CAPZB: variants seen among roughly 807,000 people sequenced by gnomAD.
CAPZB encodes capping actin protein of muscle Z-line subunit beta, also known as F-actin-capping protein subunit beta.
CAPZB carries 2 observed loss-of-function variants against 38.1 expected under a neutral mutation model. That is an observed-to-expected ratio of 0.05 (90% CI 0.02 to 0.17). CAPZB has a LOEUF of 0.17. Among genes scored for constraint, CAPZB ranks in the 10% least tolerant of loss-of-function variants. The pLI is 1.00. For synonymous variants in CAPZB, 107 were observed against 127.4 expected (o/e 0.84, Z 1.08); for missense variants, 161 against 334.2 (o/e 0.48, Z 4.04).
intron 2 of CAPZB, among the ~76,000 whole-genome samples, chr1:19,414,796 A>G (rs1385175530): frequency 6.6e-6 from 1 of 152,218 alleles, no homozygotes; most frequent in Non-Finnish European, 1.5e-5. Flanking sequence ...TTCACATCAT[A>G]TGATTCTTGG....
chr1:19,458,093 A>C (rs2100726348), intron 1 of CAPZB, among the ~76,000 whole-genome samples: 2 of 99,878 alleles, frequency 2.0e-5, no homozygotes, highest in Admixed American at 1.1e-4. Context: ...AAATAAAAGG[A>C]GTTGCCAAAA....
intron 2 of CAPZB, among the ~76,000 whole-genome samples, chr1:19,410,363 C>T (rs1214543487): frequency 6.6e-6 from 1 of 152,184 alleles, no homozygotes; most frequent in African/African-American, 2.4e-5. Context: ...CAGTGCACTG[C>T]TTTTTCCAAA....
intron 1 of CAPZB, among the ~76,000 whole-genome samples, chr1:19,439,705 CCCGG>C (rs2094469453): frequency 6.6e-6 from 1 of 152,270 alleles, no homozygotes; most frequent in African/African-American, 2.4e-5. Context: ...CAGCTTCCCT[CCCGG>C]CTGACACTCC....
At chr1:19,484,178 C>A (rs1202220204) in intron 1 of CAPZB, 1 of 1,610,132 alleles carries the variant, frequency 6.2e-7, no homozygotes, top group Admixed American at 1.7e-5. Context: ...TCTCCCTAGG[C>A]GTTCTGCTCA....
chr1:19,364,686 G>A (rs961694304), intron 4 of CAPZB, among the ~76,000 whole-genome samples: 9 of 152,082 alleles, frequency 5.9e-5, no homozygotes, highest in African/African-American at 2.2e-4. Flanking sequence ...CCCCAACTAA[G>A]TGTTAACCAA....
At chr1:19,414,233 C>A (rs184321956) in intron 2 of CAPZB, among the ~76,000 whole-genome samples, 14 of 152,152 alleles carry the variant, frequency 9.2e-5, no homozygotes, top group African/African-American at 3.4e-4. Flanking sequence ...GGTGGCGATG[C>A]GGGGGTGACA....
At chr1:19,436,510 G>C (rs1353516632) in intron 1 of CAPZB, among the ~76,000 whole-genome samples, 1 of 152,162 alleles carries the variant, frequency 6.6e-6, no homozygotes, top group Non-Finnish European at 1.5e-5. Context: ...TATATGCGGA[G>C]ACTAAGATCT....
At chr1:19,484,938 G>A (rs2094645662) in intron 1 of CAPZB, among the ~76,000 whole-genome samples, 1 of 152,188 alleles carries the variant, frequency 6.6e-6, no homozygotes. Context: ...GGCTGACCGG[G>A]GTCCAGCCTG....
Position 19,368,548 on chromosome 1 carries a change from G to A in CAPZB, c.329+9992C>T, listed in dbSNP as rs532887376. On this transcript the variant is annotated intron_variant, in intron 4 of 8. Transcript: ENST00000264202. ...AGAGTCCGAGTTAAAAAAGGAACCCGCTGGGTGACCAGGAATCCGGGACAT... is the reference window on the plus strand; with the variant it reads ...AGAGTCCGAGTTAAAAAAGGAACCCACTGGGTGACCAGGAATCCGGGACAT... 1.5e-4 allele frequency among the ~76,000 whole-genome samples: 23 copies of A among 148,408 alleles called. No individual in the cohort carries two copies. In the East Asian group the frequency reaches 3.2e-3, roughly 21 times the overall value.
At chr1:19,400,160 G>A (rs949173888) in intron 2 of CAPZB, among the ~76,000 whole-genome samples, 2 of 151,780 alleles carry the variant, frequency 1.3e-5, no homozygotes, top group Non-Finnish European at 2.9e-5. Context: ...GCCTGCCTCC[G>A]AGACCTCAAC....
chr1:19,379,301 G>C (rs1024442241), intron 3 of CAPZB, among the ~76,000 whole-genome samples: 1 of 152,076 alleles, frequency 6.6e-6, no homozygotes, highest in Admixed American at 6.5e-5. Context: ...GTTTGGCCGT[G>C]TCGGCCAGGC....
chr1:19,431,421 C>G (rs988960836), intron 1 of CAPZB, among the ~76,000 whole-genome samples: 1 of 152,120 alleles, frequency 6.6e-6, no homozygotes, highest in Admixed American at 6.5e-5. Flanking sequence ...GATTTTGGGC[C>G]GGGCACGGTG....
chr1:19,484,153 G>T (rs763707249), intron 1 of CAPZB: 3 of 1,596,130 alleles, frequency 1.9e-6, no homozygotes, highest in South Asian at 2.3e-5. Flanking sequence ...CAAACACCAC[G>T]AGCGGAGCCA....
intron 2 of CAPZB, among the ~76,000 whole-genome samples, chr1:19,413,589 C>A (rs896132305): frequency 6.6e-6 from 1 of 152,186 alleles, no homozygotes; most frequent in African/African-American, 2.4e-5. Flanking sequence ...CCACCTTGGC[C>A]TCCCAAAGTG....
chr1:19,443,776 G>A (rs1283098250), intron 1 of CAPZB, among the ~76,000 whole-genome samples: 1 of 152,220 alleles, frequency 6.6e-6, no homozygotes, highest in East Asian at 1.9e-4. Flanking sequence ...TGCTGTGTGT[G>A]GCCGCAGAGT....
At position 19,339,594 on chromosome 1, in the gene CAPZB, T is replaced by C. The variant is rs200146331; in HGVS notation, c.755A>G (p.Lys252Arg). 1.2e-6 allele frequency: 2 copies of C among 1,614,102 alleles called. No homozygotes were observed. The highest frequency in any genetic ancestry group is 1.7e-6 in the Non-Finnish European group (2 of 1,179,906). Residue 252 changes from lysine (K) to arginine (R), a missense_variant, in exon 9 of 9, where the codon AAA (lysine) becomes AGA (arginine). Coordinates refer to ENST00000264202, the MANE Select transcript of CAPZB (RefSeq NM_004930.5). ...ATTCTTCAGAGCTTCTTGTTTTGAT[T>C]TGTCTGCAAAAGTCTGCACAGACCT... Reference protein sequence around the residue: ...GLRSVQTFADKSKQEALKNDL... With the variant: ...GLRSVQTFADRSKQEALKNDL...
intron 1 of CAPZB, among the ~76,000 whole-genome samples, chr1:19,442,627 C>G (rs561207878): frequency 2.0e-5 from 3 of 152,288 alleles, no homozygotes; most frequent in African/African-American, 7.2e-5. Flanking sequence ...CGCACTCGGT[C>G]CAGGAAAGCC....
At chr1:19,393,343 C>G (rs571553694) in intron 2 of CAPZB, among the ~76,000 whole-genome samples, 2 of 152,182 alleles carry the variant, frequency 1.3e-5, no homozygotes, top group Non-Finnish European at 2.9e-5. Flanking sequence ...CCTGAGTAAC[C>G]AGAGGGGGAC....
chr1:19,357,483 G>C lies in CAPZB; in HGVS notation c.410C>G (p.Ala137Gly). The change falls in exon 5 of 9, where the codon GCT (alanine) becomes GGT (glycine). Residue 137 changes from alanine to glycine, a missense_variant. By Grantham distance (60) the Ala-to-Gly change is moderately conservative. Transcript: ENST00000264202. This position sits in a 1 kb window ranked among gnomAD's most constrained non-coding sequence, Gnocchi z 4.3. ...GFAGVILIKK[A>G]GDGSKKIKGC... is the part of the protein sequence containing the mutation. ...TTTGATCTTCTTTGATCCATCTCCA[G>C]CCTTCTTTATGAGGATCACTCCAGC... The C allele has an allele frequency of 6.2e-7, 1 of 1,613,966 alleles. No homozygotes were observed. The highest frequency in any genetic ancestry group is 8.5e-7 in the Non-Finnish European group (1 of 1,180,006).
Sources: gnomAD v4.1 joint callset for allele counts (sites outside exome capture counted in the v4.1 genomes callset) on GRCh38, gnomAD v4.1.1 for gene constraint, Gnocchi (gnomAD v3.1) non-coding constraint, MANE v1.5 for transcripts, NCBI Gene and HGNC (gene_info 2026-07-23, HGNC 2026-07-21) for gene names.